Variants in DLC1 observed in about 807,000 individuals in gnomAD.
DLC1 encodes the protein DLC1 Rho GTPase activating protein.
Under a neutral mutation model 140.3 loss-of-function variants are expected in DLC1, and 54 were observed. That is an observed-to-expected ratio of 0.38 (90% CI 0.31 to 0.48). DLC1 has a LOEUF of 0.48. DLC1 is among the 20% of genes least tolerant of loss of function. The probability of loss-of-function intolerance (pLI) is 0.96; values close to 1 mark genes in which losing one functional copy is unlikely to be tolerated. For synonymous variants in DLC1, 986 were observed against 728.1 expected (o/e 1.35, Z -5.70); for missense variants, 2,536 against 1,907.0 (o/e 1.33, Z -6.14).
intron 4 of DLC1, among the ~76,000 whole-genome samples, chr8:13,357,076 C>G (rs1360603648): frequency 6.6e-6 from 1 of 151,934 alleles, no homozygotes; most frequent in Non-Finnish European, 1.5e-5. Context: ...TGAGACCAGC[C>G]TAGCCCATAT....
At chr8:13,480,002 G>A (rs1800647327) in intron 2 of DLC1, among the ~76,000 whole-genome samples, 1 of 152,036 alleles carries the variant, frequency 6.6e-6, no homozygotes, top group African/African-American at 2.4e-5. Context: ...GGAGGTGGGG[G>A]CTGCAGTGAG....
chr8:13,450,321 G>A (rs1376929355), intron 2 of DLC1, among the ~76,000 whole-genome samples: 2 of 151,572 alleles, frequency 1.3e-5, no homozygotes, highest in Non-Finnish European at 2.9e-5. Context: ...TGGGCATGGT[G>A]GCGGGTGACT....
chr8:13,154,388 CG>C (rs1222758650), intron 5 of DLC1, among the ~76,000 whole-genome samples: 3 of 152,208 alleles, frequency 2.0e-5, no homozygotes, highest in Non-Finnish European at 4.4e-5. Context: ...ATGGCGCCTG[CG>C]GGCCAGCAGT....
At chr8:13,473,329 G>T (rs1215690255) in intron 2 of DLC1, among the ~76,000 whole-genome samples, 3 of 152,270 alleles carry the variant, frequency 2.0e-5, no homozygotes, top group East Asian at 3.9e-4. Context: ...TCTTTCCCAT[G>T]CTGTTCCCGT....
Position 13,216,692 on chromosome 8 carries a change from A to G in DLC1, c.1348+88577T>C, listed in dbSNP as rs562563093. On this transcript the variant is annotated intron_variant, in intron 5 of 17. Transcript: ENST00000276297. ...CCCAGGGTTTCTCAACCTCAGGACT[A>G]TGTACAGTTTGTGTCAACTGATTCT... Among the ~76,000 whole-genome samples the G allele has an allele frequency of 9.9e-5, 15 of 152,168 alleles. No homozygotes were observed. In the South Asian group the frequency reaches 2.9e-3, roughly 30 times the overall value.
At chr8:13,561,439 A>G (rs1804239909) in intron 1 of DLC1, among the ~76,000 whole-genome samples, 1 of 152,120 alleles carries the variant, frequency 6.6e-6, no homozygotes, top group Non-Finnish European at 1.5e-5. Flanking sequence ...TCATCCTCCT[A>G]AAGCAGAAAT....
At chr8:13,357,542 G>C (rs1835005755) in intron 4 of DLC1, among the ~76,000 whole-genome samples, 2 of 152,186 alleles carry the variant, frequency 1.3e-5, no homozygotes, top group Non-Finnish European at 2.9e-5. Context: ...ATTGTTCTCT[G>C]AACTCTGGCA....
At chr8:13,164,596 C>T (rs1824969221) in intron 5 of DLC1, among the ~76,000 whole-genome samples, 1 of 152,112 alleles carries the variant, frequency 6.6e-6, no homozygotes, top group African/African-American at 2.4e-5. Flanking sequence ...AACATGGAAC[C>T]ATGTTGGCAT....
At chr8:13,169,158 G>C (rs1343355999) in intron 5 of DLC1, among the ~76,000 whole-genome samples, 1 of 152,198 alleles carries the variant, frequency 6.6e-6, no homozygotes, top group African/African-American at 2.4e-5. Context: ...CTCAAGGTTA[G>C]AACTTACTCA....
intron 2 of DLC1, among the ~76,000 whole-genome samples, chr8:13,434,843 C>T (rs538468181): frequency 6.6e-5 from 10 of 152,048 alleles, no homozygotes; most frequent in South Asian, 4.2e-4. Flanking sequence ...ACACACCTGG[C>T]GAATTTTTGT....
At chr8:13,244,230 T>C (rs1829661723) in intron 5 of DLC1, among the ~76,000 whole-genome samples, 1 of 152,192 alleles carries the variant, frequency 6.6e-6, no homozygotes, top group Non-Finnish European at 1.5e-5. Flanking sequence ...GGACCCTCCA[T>C]TGCCTAAAAA....
At chr8:13,182,151 G>C (rs1353008932) in intron 5 of DLC1, among the ~76,000 whole-genome samples, 1 of 151,912 alleles carries the variant, frequency 6.6e-6, no homozygotes, top group Non-Finnish European at 1.5e-5. Flanking sequence ...AGAACTGTCT[G>C]TTCATATCCT....
intron 1 of DLC1, among the ~76,000 whole-genome samples, chr8:13,534,996 C>A (rs577263775): frequency 6.6e-6 from 1 of 152,136 alleles, no homozygotes; most frequent in African/African-American, 2.4e-5. Flanking sequence ...CCTTATCTCT[C>A]GCTAATCACT....
chr8:13,315,446 C>A (rs923120341), intron 4 of DLC1, among the ~76,000 whole-genome samples: 1 of 152,180 alleles, frequency 6.6e-6, no homozygotes, highest in Non-Finnish European at 1.5e-5. Flanking sequence ...GAAGAGATGT[C>A]CTTGTTGGCA....
intron 4 of DLC1, among the ~76,000 whole-genome samples, chr8:13,331,899 C>A (rs1833605542): frequency 6.6e-6 from 1 of 152,156 alleles, no homozygotes; most frequent in African/African-American, 2.4e-5. Context: ...TCTGTGCCTT[C>A]TTTCTTTTTC....
intron 5 of DLC1, among the ~76,000 whole-genome samples, chr8:13,293,427 A>G (rs1047554162): frequency 2.6e-5 from 4 of 152,216 alleles, no homozygotes; most frequent in South Asian, 2.1e-4. Context: ...CTCTGGTGGA[A>G]GAAGGAGAAA....
At chr8:13,438,902 C>T (rs1275334368) in intron 2 of DLC1, among the ~76,000 whole-genome samples, 3 of 152,148 alleles carry the variant, frequency 2.0e-5, no homozygotes, top group African/African-American at 2.4e-5. Flanking sequence ...CTGAAGTGTA[C>T]GTATTTTAGC....
chr8:13,139,656 G>A (rs1822828705), intron 5 of DLC1, among the ~76,000 whole-genome samples: 1 of 152,152 alleles, frequency 6.6e-6, no homozygotes, highest in Non-Finnish European at 1.5e-5. Flanking sequence ...CCTTTTAAAG[G>A]CTATTTTATT....
intron 4 of DLC1, among the ~76,000 whole-genome samples, chr8:13,306,236 A>C (rs771251397): frequency 6.6e-6 from 1 of 152,156 alleles, no homozygotes; most frequent in Non-Finnish European, 1.5e-5. Context: ...AGCATTTATC[A>C]CTGTTATGAT....
Sources: gnomAD v4.1 joint callset for allele counts (sites outside exome capture counted in the v4.1 genomes callset) on GRCh38, gnomAD v4.1.1 for gene constraint, MANE v1.5 for transcripts, NCBI Gene and HGNC (gene_info 2026-07-23, HGNC 2026-07-21) for gene names.